Variants in GRID1 observed in about 807,000 individuals in gnomAD.
The protein encoded by GRID1 is glutamate receptor ionotropic, delta-1.
A neutral mutation model predicts 98.0 loss-of-function variants in GRID1; 28 were observed. That is an observed-to-expected ratio of 0.29 (90% confidence interval 0.21 to 0.39). The LOEUF is 0.39. Ranked by LOEUF, GRID1 falls within the 10% of genes least tolerant of loss-of-function variation. GRID1 has a pLI of 1.00. For missense variants in GRID1, 1,111 were observed against 1,340.5 expected (o/e 0.83, Z 2.67); for synonymous variants, 553 against 538.5 (o/e 1.03, Z -0.37).
intron 12 of GRID1, chr10:85,647,882 A>AGAGAC: frequency 6.4e-6 from 1 of 155,234 alleles, no homozygotes; most frequent in African/African-American, 2.4e-5. Context: ...TGTGACACTC[A>AGAGAC]GAGACAGCAT....
chr10:85,930,156 A>T (rs552750942), intron 4 of GRID1, among the ~76,000 whole-genome samples: 29 of 151,134 alleles, frequency 1.9e-4, no homozygotes, highest in Non-Finnish European at 3.6e-4. Context: ...GCGGTTATTT[A>T]TAACTACAAA....
chr10:86,245,657 C>T (rs1846715227), intron 2 of GRID1, among the ~76,000 whole-genome samples: 1 of 152,262 alleles, frequency 6.6e-6, no homozygotes, highest in African/African-American at 2.4e-5. Context: ...GTGCTGTCCC[C>T]AAGTGGTGAA....
chr10:85,668,858 C>A (rs1409248780), intron 12 of GRID1, among the ~76,000 whole-genome samples: 1 of 152,218 alleles, frequency 6.6e-6, no homozygotes, highest in Non-Finnish European at 1.5e-5. Flanking sequence ...TTGCTGTGTT[C>A]TCAACAGCTC....
At chr10:85,922,443 A>G (rs1182200215) in intron 4 of GRID1, among the ~76,000 whole-genome samples, 2 of 152,228 alleles carry the variant, frequency 1.3e-5, no homozygotes, top group Non-Finnish European at 2.9e-5. Context: ...TGTATGTGTT[A>G]ATTGTTGACC....
At chr10:86,243,658 A>G (rs1846672862) in intron 2 of GRID1, among the ~76,000 whole-genome samples, 1 of 152,172 alleles carries the variant, frequency 6.6e-6, no homozygotes, top group African/African-American at 2.4e-5. Context: ...TTTCAAAAAT[A>G]GTCTGAGTGA....
chr10:86,073,917 A>C (rs1843840854), intron 4 of GRID1, among the ~76,000 whole-genome samples: 1 of 152,152 alleles, frequency 6.6e-6, no homozygotes, highest in African/African-American at 2.4e-5. Flanking sequence ...GTTTTAAACA[A>C]ATGCACCCAG....
At chr10:85,984,635 A>C (rs1430006759) in intron 4 of GRID1, among the ~76,000 whole-genome samples, 2 of 152,214 alleles carry the variant, frequency 1.3e-5, no homozygotes, top group Non-Finnish European at 2.9e-5. Context: ...AGCACCTGGA[A>C]AGAAACATCA....
chr10:85,988,822 T>A (rs1842643196), intron 4 of GRID1, among the ~76,000 whole-genome samples: 1 of 152,176 alleles, frequency 6.6e-6, no homozygotes, highest in Admixed American at 6.5e-5. Context: ...GGATTTCTTT[T>A]AATCAAGGAT....
chr10:86,104,122 A>T (rs1824702795), intron 4 of GRID1, among the ~76,000 whole-genome samples: 1 of 152,042 alleles, frequency 6.6e-6, no homozygotes, highest in South Asian at 2.1e-4. Context: ...GCACCACTCC[A>T]CTCTCTGCCC....
intron 15 of GRID1, among the ~76,000 whole-genome samples, chr10:85,610,644 C>T (rs1842722101): frequency 6.6e-6 from 1 of 152,200 alleles, no homozygotes; most frequent in Admixed American, 6.5e-5. Context: ...ACCTGCTGAT[C>T]ACTGCAGTAC....
At chr10:85,752,947 A>G (rs1842061796) in intron 8 of GRID1, among the ~76,000 whole-genome samples, 1 of 152,238 alleles carries the variant, frequency 6.6e-6, no homozygotes, top group African/African-American at 2.4e-5. Flanking sequence ...GAAATCAAAT[A>G]AAAACTTAGG....
intron 2 of GRID1, among the ~76,000 whole-genome samples, chr10:86,294,833 T>C (rs1400629328): frequency 6.6e-6 from 1 of 151,904 alleles, no homozygotes; most frequent in Non-Finnish European, 1.5e-5. Context: ...TGATTAAAGT[T>C]GGGGACATGG....
chr10:86,296,369 G>A (rs77635925), intron 2 of GRID1, among the ~76,000 whole-genome samples: 1 of 152,226 alleles, frequency 6.6e-6, no homozygotes, highest in East Asian at 1.9e-4. Flanking sequence ...TGTTAAGGTG[G>A]TGAGATGGTG....
intron 5 of GRID1, among the ~76,000 whole-genome samples, chr10:85,904,963 G>T (rs1280471664): frequency 6.6e-6 from 1 of 151,956 alleles, no homozygotes; most frequent in Non-Finnish European, 1.5e-5. Context: ...ACATTTTGCA[G>T]TAATAATGGA....
intron 2 of GRID1, among the ~76,000 whole-genome samples, chr10:86,228,214 T>C (rs1846388174): frequency 7.3e-6 from 1 of 136,826 alleles, no homozygotes; most frequent in Non-Finnish European, 1.6e-5. Flanking sequence ...GGTGGGTGAG[T>C]AGGTGGCCGG....
chr10:86,229,348 G>C (rs1846411660), intron 2 of GRID1, among the ~76,000 whole-genome samples: 1 of 152,156 alleles, frequency 6.6e-6, no homozygotes, highest in South Asian at 2.1e-4. Context: ...AGAGTGTGGG[G>C]TTCAGAGTAA....
In GRID1 at chr10:85,723,243, G is replaced by A. The variant is rs532931456; in HGVS notation, c.1859-102C>T. ...CAGCCAGGCACACAGGCCATCACTC[G>A]TGATGGGCTGGAACCAGGGAGGTGA... On this transcript the variant is annotated intron_variant, in intron 11 of 15. Coordinates refer to ENST00000327946, the MANE Select transcript of GRID1 (RefSeq NM_017551.3). 39 of 1,165,730 alleles carry A rather than the reference G, an allele frequency of 3.3e-5. 1 individual carries two copies. The highest frequency in any genetic ancestry group is 1.6e-4 in the African/African-American group (10 of 64,240). The allele number at this position is 1,165,730 out of a possible 1,614,324, so 72.2% of individuals were successfully genotyped here.
chr10:85,774,175 T>A (rs1168330599), intron 8 of GRID1, among the ~76,000 whole-genome samples: 1 of 152,088 alleles, frequency 6.6e-6, no homozygotes, highest in South Asian at 2.1e-4. Flanking sequence ...ACGCCGCATA[T>A]CTACAACTAT....
intron 12 of GRID1, among the ~76,000 whole-genome samples, chr10:85,717,165 C>T (rs143567198): frequency 4.6e-5 from 7 of 152,284 alleles, no homozygotes; most frequent in Non-Finnish European, 1.0e-4. Flanking sequence ...AGATATGTTA[C>T]TTAGCTTCAT....
Sources: allele counts gnomAD v4.1 joint callset (sites outside exome capture counted in the v4.1 genomes callset), GRCh38; gene constraint gnomAD v4.1.1; transcripts MANE v1.5; gene names NCBI Gene and HGNC (gene_info 2026-07-23, HGNC 2026-07-21).